LRRC71: variants seen among roughly 807,000 people sequenced by gnomAD.
LRRC71 encodes the protein leucine rich repeat containing 71.
Under a neutral mutation model 66.6 loss-of-function variants are expected in LRRC71, and 54 were observed. The ratio of observed to expected loss-of-function variants is 0.81; its 90% confidence interval spans 0.65 to 1.02. The LOEUF is 1.02. LRRC71 is among the 50% of genes least tolerant of loss of function. The pLI is 0.00. For missense variants in LRRC71, 724 were observed against 718.0 expected, an observed-to-expected ratio of 1.01 and a Z score of -0.10; for synonymous variants, 323 against 303.9, an observed-to-expected ratio of 1.06 and a Z score of -0.65.
chr1:156,936,013 G>A (rs1334074410), downstream of LRRC71: 1 of 1,613,542 alleles, frequency 6.2e-7, no homozygotes, highest in Non-Finnish European at 8.5e-7. Flanking sequence ...TGGTCCTGGT[G>A]ACGCGGCTGC....
intron 6 of LRRC71, 80 bp downstream of exon 6, chr1:156,927,350 T>C: frequency 6.4e-7 from 1 of 1,553,504 alleles, no homozygotes; most frequent in Non-Finnish European, 8.8e-7. Context: ...CCCTTCCTTG[T>C]CCCCCTACCA....
At chr1:156,939,522 C>A in the LRRC71 span, 3 of 1,605,928 alleles carry the variant, frequency 1.9e-6, no homozygotes, top group South Asian at 1.1e-5. Context: ...GCTTGTCTCC[C>A]CACTGGACAC....
At chr1:156,925,476 T>C (rs1653051342) in intron 5 of LRRC71, among the ~76,000 whole-genome samples, 1 of 151,624 alleles carries the variant, frequency 6.6e-6, no homozygotes, top group Non-Finnish European at 1.5e-5. Context: ...GAGGAGGGAG[T>C]GGGCAGAGAG....
chr1:156,924,223 A>T, intron 2 of LRRC71, 125 bp downstream of exon 2: 1 of 1,271,224 alleles, frequency 7.9e-7, no homozygotes, highest in South Asian at 1.4e-5. Context: ...GCGGTATTCG[A>T]CGAGGCCGGT....
the LRRC71 span, chr1:156,939,545 T>C: frequency 6.2e-7 from 1 of 1,610,134 alleles, no homozygotes; most frequent in African/African-American, 1.3e-5. Context: ...CCATTTATTT[T>C]ACCTTTTCTC....
chr1:156,936,141 C>T (rs374573005), downstream of LRRC71: 7 of 1,372,214 alleles, frequency 5.1e-6, no homozygotes, highest in African/African-American at 1.4e-5. Context: ...TTCAGGCTCA[C>T]GAGAACAGAT....
In LRRC71 at chr1:156,924,720, T is replaced by C; in HGVS notation, c.515+2T>C. 6.4e-7 allele frequency: 1 copy of C among 1,551,454 alleles called. No individual in the cohort carries two copies. Among genetic ancestry groups the C allele is most frequent in the Non-Finnish European group, 8.7e-7 (1 of 1,146,898 alleles). On this transcript the variant is annotated splice_donor_variant, in intron 4 of 14. Transcript: ENST00000337428. LOFTEE classifies it high-confidence loss of function. Reference sequence around the variant, plus strand: ...GCTTACCCAGCTACAGGCCATCAAGTGAGAGGCACTGAGGGGATGGGCGGG... The same window carrying C: ...GCTTACCCAGCTACAGGCCATCAAGCGAGAGGCACTGAGGGGATGGGCGGG...
At chr1:156,936,326 A>C (rs1655110307), downstream of LRRC71, 1 of 612,556 alleles carries the variant, frequency 1.6e-6, no homozygotes, top group Non-Finnish European at 3.1e-6. Flanking sequence ...TGTGGTTCTG[A>C]ATCATTTAAT....
chr1:156,939,745 C>T, the LRRC71 span: 1 of 1,614,072 alleles, frequency 6.2e-7, no homozygotes, highest in Admixed American at 1.7e-5. Flanking sequence ...GTCCCCTTCA[C>T]CCCCAGGGGG....
At chr1:156,935,428 C>G (rs1294735669), downstream of LRRC71, 5 of 152,268 alleles carry the variant, frequency 3.3e-5, no homozygotes. Flanking sequence ...AAGTGAAACC[C>G]CTCTTCCCTA....
chr1:156,923,770 G>A (rs1652753326), intron 1 of LRRC71, among the ~76,000 whole-genome samples, 179 bp from the exon 2 acceptor site: 1 of 152,242 alleles, frequency 6.6e-6, no homozygotes, highest in South Asian at 2.1e-4. Flanking sequence ...CCCTTTCTCC[G>A]AGCTCTTGCT....
At chr1:156,939,812 G>T in the LRRC71 span, 67 of 1,613,692 alleles carry the variant, frequency 4.2e-5, no homozygotes, top group Non-Finnish European at 5.6e-5. Context: ...ATGACAGAAG[G>T]TGTGGGTGTC....
At chr1:156,927,293 C>A in intron 6 of LRRC71, 23 bp downstream of exon 6, 1 of 1,609,564 alleles carries the variant, frequency 6.2e-7, no homozygotes, top group Non-Finnish European at 8.5e-7. Context: ...GCCCTCACCC[C>A]CTTTCTCTGG....
chr1:156,939,834 G>A, the LRRC71 span: 3 of 1,612,684 alleles, frequency 1.9e-6, no homozygotes, highest in Non-Finnish European at 2.5e-6. Context: ...GGTCGTCCTC[G>A]GGCTCCTGGG....
intron 1 of LRRC71, 136 bp downstream of exon 1, chr1:156,921,099 A>G (rs1652292319): frequency 9.1e-7 from 1 of 1,099,258 alleles, no homozygotes; most frequent in African/African-American, 1.6e-5. Context: ...GGCTTGATAG[A>G]TGTTTCAATT....
chr1:156,927,502 G>A lies in LRRC71; in HGVS notation c.669G>A (p.Ala223=). The change falls in exon 7 of 15, where the codon GCG becomes GCA. Residue 223 remains alanine (A), a synonymous_variant. Coordinates refer to ENST00000337428, the MANE Select transcript of LRRC71 (RefSeq NM_144702.3). ...CTCCCTCCGGCTGCCCCAGGATTGCGCACTTGTCTCTGCGGAACAATAACA... is the reference window on the plus strand; with the variant it reads ...CTCCCTCCGGCTGCCCCAGGATTGCACACTTGTCTCTGCGGAACAATAACA... ...HKLMALDSTI[A]HLSLRNNNID... is the part of the protein sequence containing the mutation. 6.5e-7 allele frequency: 1 copy of A among 1,528,628 alleles called. No homozygotes were observed. The highest frequency in any genetic ancestry group is 8.8e-7 in the Non-Finnish European group (1 of 1,138,086). 94.7% of individuals were successfully genotyped at this position (1,528,628 alleles called of 1,614,324 possible).
At chr1:156,928,417 C>CTTCCTCTTAT in intron 9 of LRRC71, among the ~76,000 whole-genome samples, 1 of 39,030 alleles carries the variant, frequency 2.6e-5, no homozygotes, top group African/African-American at 1.3e-4. Context: ...CCTCTTATTC[C>CTTCCTCTTAT]TCCTCCTCCT....
the LRRC71 span, among the ~76,000 whole-genome samples, chr1:156,940,744 G>C: frequency 6.6e-6 from 1 of 152,182 alleles, no homozygotes; most frequent in Admixed American, 6.5e-5. Context: ...ATGGGGCTAG[G>C]GGCTGGACAG....
At chr1:156,931,062 G>C (rs1288657078) in intron 12 of LRRC71, among the ~76,000 whole-genome samples, 1 of 152,102 alleles carries the variant, frequency 6.6e-6, no homozygotes, top group Non-Finnish European at 1.5e-5. Context: ...ACTGCCCCAC[G>C]CTACCCTGTG....
Sources: allele counts gnomAD v4.1 joint callset (sites outside exome capture counted in the v4.1 genomes callset), GRCh38; gene constraint gnomAD v4.1.1; transcripts MANE v1.5; gene names NCBI Gene and HGNC (gene_info 2026-07-23, HGNC 2026-07-21).